The following IFNAR2 variants were observed in gnomAD, a reference collection of about 807,000 sequenced individuals.
The protein encoded by IFNAR2 is interferon alpha and beta receptor subunit 2.
In IFNAR2, 30 loss-of-function variants were observed where a neutral mutation model predicts 49.4. The observed-to-expected ratio is 0.61, with a 90% CI of 0.45 to 0.82. The LOEUF (loss-of-function observed/expected upper bound fraction) is 0.82. Among genes scored for constraint, IFNAR2 ranks in the 40% least tolerant of loss-of-function variants. The probability of loss-of-function intolerance (pLI) is 0.00; values close to 1 mark genes in which losing one functional copy is unlikely to be tolerated. For synonymous variants in IFNAR2, 224 were observed against 234.5 expected (o/e 0.96, Z 0.41); for missense variants, 600 against 622.7 (o/e 0.96, Z 0.39).
At chr21:33,242,108 G>A in intron 2 of IFNAR2, 131 bp downstream of exon 2, 2 of 713,050 alleles carry the variant, frequency 2.8e-6, no homozygotes, top group Non-Finnish European at 4.6e-6. Flanking sequence ...CTAGTGTCAG[G>A]AGTTAAGTGG....
chr21:33,258,285 A>G (rs1002049688), intron 7 of IFNAR2, among the ~76,000 whole-genome samples: 3 of 152,150 alleles, frequency 2.0e-5, no homozygotes, highest in African/African-American at 7.2e-5. Flanking sequence ...AGCCTGAGCT[A>G]CAGAGCAAGA....
chr21:33,240,922 AAG>A (rs1030005144), intron 1 of IFNAR2, among the ~76,000 whole-genome samples: 43 of 152,330 alleles, frequency 2.8e-4, no homozygotes, highest in African/African-American at 1.0e-3. Context: ...CCATTATCTT[AAG>A]AGAAACAACT....
rs1157575880 is a variant in IFNAR2 at position 33,243,663 on chromosome 21, T to A, written c.56-10T>A. 1 of 1,611,730 alleles carries A rather than the reference T, an allele frequency of 6.2e-7. No individual in the cohort carries two copies. Among genetic ancestry groups the A allele is most frequent in the African/African-American group, 1.3e-5 (1 of 75,012 alleles). On this transcript the variant is annotated splice_polypyrimidine_tract_variant and intron_variant, in intron 2 of 8. Coordinates refer to ENST00000342136, the MANE Select transcript of IFNAR2 (RefSeq NM_001289125.3). ...ACTATTGCCTCTCTAATGTGTTTTC[T>A]TCCTTCTAGTGTATATCAGCCTCGT...
At position 33,230,171 on chromosome 21, in the gene IFNAR2, C is replaced by T. The variant is rs550743945; in HGVS notation, c.-129C>T. 1 of 1,005,282 alleles carries T rather than the reference C, an allele frequency of 9.9e-7. No individual in the cohort carries two copies. Among genetic ancestry groups the T allele is most frequent in the Admixed American group, 6.1e-5 (1 of 16,410 alleles). 62.3% of individuals were successfully genotyped at this position (1,005,282 alleles called of 1,614,324 possible). ...GTCCCAGAGCCGGGCGCGGCTGGGG[C>T]CCGAGGCTAGCATCTCTCGGGAGCC... On this transcript the variant is annotated 5_prime_UTR_variant, in exon 1 of 9. Coordinates refer to ENST00000342136, the MANE Select transcript of IFNAR2 (RefSeq NM_001289125.3). The surrounding 1 kb of genome is among the most constrained non-coding windows in gnomAD (Gnocchi z 5.5).
Position 33,260,587 on chromosome 21 carries a change from T to A in IFNAR2, c.710-10T>A, listed in dbSNP as rs759923880. The A allele has an allele frequency of 5.9e-5, 93 of 1,576,624 alleles. No individual in the cohort carries two copies. The highest frequency in any genetic ancestry group is 7.7e-5 in the Non-Finnish European group (90 of 1,168,422). ...TTTTGAAATAAAGTCATTTAATTTT[T>A]CATCAACAGAATCAGCAGAATCTGC... On this transcript the variant is annotated splice_polypyrimidine_tract_variant and intron_variant, in intron 7 of 8. Coordinates refer to ENST00000342136, the MANE Select transcript of IFNAR2 (RefSeq NM_001289125.3).
intron 1 of IFNAR2, among the ~76,000 whole-genome samples, chr21:33,232,790 C>T (rs965523135): frequency 1.3e-5 from 2 of 151,982 alleles, no homozygotes; most frequent in African/African-American, 4.8e-5. Flanking sequence ...ACCTTCTGGG[C>T]TAGAGAAATT....
chr21:33,248,398 GA>G (rs746824987), intron 5 of IFNAR2, among the ~76,000 whole-genome samples: 20 of 122,772 alleles, frequency 1.6e-4, no homozygotes, highest in Non-Finnish European at 2.8e-4. Flanking sequence ...GGGAGGGGGG[GA>G]GAGAGAGAGA....
chr21:33,254,671 C>G (rs1601811845), intron 7 of IFNAR2, among the ~76,000 whole-genome samples: 1 of 152,154 alleles, frequency 6.6e-6, no homozygotes, highest in Non-Finnish European at 1.5e-5. Context: ...TTATTAATTC[C>G]AAGTTTTTAA....
chr21:33,236,865 G>T (rs1266000226), intron 1 of IFNAR2: 1 of 985,236 alleles, frequency 1.0e-6, no homozygotes, highest in African/African-American at 1.7e-5. Context: ...GACTAGCCCT[G>T]TTGACAGGAG....
chr21:33,238,356 C>CA (rs1986639518), intron 1 of IFNAR2, among the ~76,000 whole-genome samples: 1 of 152,170 alleles, frequency 6.6e-6, no homozygotes, highest in Non-Finnish European at 1.5e-5. Context: ...TCACCAGCCA[C>CA]AGACAGTCGC....
At chr21:33,252,970 T>C in intron 7 of IFNAR2, 140 bp downstream of exon 7, 1 of 745,690 alleles carries the variant, frequency 1.3e-6, no homozygotes, top group Non-Finnish European at 2.4e-6. Context: ...CAGAGATGTT[T>C]TCTGTTGGTT....
In IFNAR2 at chr21:33,252,935, G is replaced by T; in HGVS notation, c.709+105G>T. ...TGAAAAGAATTCATGGAGCACTAAA[G>T]GTCTTTCTTCCAGTAAACACCTCAC... On this transcript the variant is annotated intron_variant, in intron 7 of 8. Coordinates refer to ENST00000342136, the MANE Select transcript of IFNAR2 (RefSeq NM_001289125.3). 2.1e-5 allele frequency: 20 copies of T among 949,326 alleles called. No homozygotes were observed. In the South Asian group the frequency reaches 2.6e-4, roughly 12 times the overall value. The allele number at this position is 949,326 out of a possible 1,614,324, so 58.8% of individuals were successfully genotyped here. A position where few individuals can be genotyped will look rare whatever the true frequency, so the allele number is the denominator to read the frequency against.
At chr21:33,239,345 G>A (rs945128670) in intron 1 of IFNAR2, among the ~76,000 whole-genome samples, 2 of 152,222 alleles carry the variant, frequency 1.3e-5, no homozygotes, top group Non-Finnish European at 2.9e-5. Flanking sequence ...TGGTCTGGCT[G>A]TGTCCAGTGG....
intron 5 of IFNAR2, among the ~76,000 whole-genome samples, chr21:33,247,334 C>A (rs1241179493): frequency 6.7e-6 from 1 of 150,326 alleles, no homozygotes; most frequent in African/African-American, 2.5e-5. Context: ...TCACTGCAAC[C>A]TCCACCTTCC....
chr21:33,253,116 C>T (rs1987977440), intron 7 of IFNAR2, among the ~76,000 whole-genome samples: 1 of 152,140 alleles, frequency 6.6e-6, no homozygotes, highest in Non-Finnish European at 1.5e-5. Flanking sequence ...GCACTGTGTG[C>T]CCTTTGTGTG....
At chr21:33,260,410 A>G (rs917705347) in intron 7 of IFNAR2, among the ~76,000 whole-genome samples, 187 bp from the exon 8 acceptor site, 1 of 152,224 alleles carries the variant, frequency 6.6e-6, no homozygotes, top group Non-Finnish European at 1.5e-5. Flanking sequence ...AGCTAAGTCT[A>G]TTTTATTGTT....
In IFNAR2 at chr21:33,230,513, C is replaced by T. The variant is rs1243393004; in HGVS notation, c.-84+297C>T. The T allele has an allele frequency of 2.1e-6, 1 of 470,858 alleles. No homozygotes were observed. The highest frequency in any genetic ancestry group is 4.4e-6 in the Non-Finnish European group (1 of 226,930). 29.2% of individuals were successfully genotyped at this position (470,858 alleles called of 1,614,324 possible). A position where few individuals can be genotyped will look rare whatever the true frequency, so the allele number is the denominator to read the frequency against. On this transcript the variant is annotated intron_variant, in intron 1 of 8. Transcript: ENST00000342136. This position sits in a 1 kb window ranked among gnomAD's most constrained non-coding sequence, Gnocchi z 5.5. ...TGCACCCCTCCGCGTCCCACCCCAC[C>T]CCACCAAGGATGCCCAGGATACCGG...
intron 1 of IFNAR2, among the ~76,000 whole-genome samples, chr21:33,241,109 G>A (rs953847953): frequency 2.4e-4 from 36 of 152,138 alleles, no homozygotes; most frequent in African/African-American, 8.4e-4. Flanking sequence ...TACTATTCAG[G>A]TGATGGATAC....
Position 33,248,769 on chromosome 21 carries a change from T to G in IFNAR2, c.455T>G (p.Val152Gly). Residue 152 changes from valine to glycine, a missense_variant, in exon 6 of 9, where the codon GTG becomes GGG. Val to Gly is a moderately radical substitution (Grantham distance 109). Transcript: ENST00000342136. ...VGFTNHINVM[V>G]KFPSIVEEEL... ...TTTACCAACCACATTAATGTGATGG[T>G]GAAATTTCCATCTATTGTTGAGGAA... The G allele has an allele frequency of 6.2e-7, 1 of 1,611,734 alleles. No individual in the cohort carries two copies. Among genetic ancestry groups the G allele is most frequent in the Non-Finnish European group, 8.5e-7 (1 of 1,178,454 alleles).
Sources: allele counts gnomAD v4.1 joint callset (sites outside exome capture counted in the v4.1 genomes callset), GRCh38; gene constraint gnomAD v4.1.1; non-coding constraint Gnocchi (gnomAD v3.1); transcripts MANE v1.5; gene names NCBI Gene and HGNC (gene_info 2026-07-23, HGNC 2026-07-21).